Variants in IL26 observed in about 807,000 individuals in gnomAD.
IL26 encodes the protein interleukin-26.
Under a neutral mutation model 21.7 loss-of-function variants are expected in IL26, and 23 were observed. The observed-to-expected ratio is 1.06, with a 90% CI of 0.76 to 1.50. The LOEUF (loss-of-function observed/expected upper bound fraction) is 1.50, where lower values mean the gene tolerates loss of function less well. Among genes scored for constraint, IL26 ranks in the 40% most tolerant of loss-of-function variants. The pLI, the probability that IL26 is intolerant of heterozygous loss-of-function variation, is 0.00. For missense variants in IL26, 204 were observed against 196.0 expected (o/e 1.04, Z -0.24); for synonymous variants, 63 against 67.8 (o/e 0.93, Z 0.34).
At chr12:68,204,404 A>G (rs975299921) in intron 3 of IL26, among the ~76,000 whole-genome samples, 5 of 152,064 alleles carry the variant, frequency 3.3e-5, no homozygotes, top group Admixed American at 6.5e-5. Flanking sequence ...CGGCCTCCCA[A>G]AGTGCTGGGA....
intron 3 of IL26, among the ~76,000 whole-genome samples, chr12:68,222,189 G>A (rs544491700): frequency 1.3e-5 from 2 of 152,292 alleles, no homozygotes; most frequent in African/African-American, 4.8e-5. Context: ...AAGAGCTGTA[G>A]TAATCCTTAC....
intron 3 of IL26, among the ~76,000 whole-genome samples, chr12:68,216,053 G>A (rs1046408327): frequency 6.6e-6 from 1 of 151,464 alleles, no homozygotes; most frequent in Non-Finnish European, 1.5e-5. Flanking sequence ...AGCACTTTGG[G>A]AGGCTGAGGT....
intron 3 of IL26, among the ~76,000 whole-genome samples, chr12:68,205,714 GAC>G (rs1868521843): frequency 1.3e-5 from 1 of 78,234 alleles, no homozygotes; most frequent in Non-Finnish European, 3.9e-5. Context: ...ATTTCTGTCT[GAC>G]TTTTTTAATT....
intron 3 of IL26, among the ~76,000 whole-genome samples, chr12:68,222,406 C>A (rs1362948452): frequency 6.6e-6 from 1 of 152,116 alleles, no homozygotes; most frequent in South Asian, 2.1e-4. Flanking sequence ...AGGCTGTGTG[C>A]CAAAATTCTG....
intron 3 of IL26, among the ~76,000 whole-genome samples, chr12:68,213,219 G>A (rs921362829): frequency 6.6e-6 from 1 of 151,952 alleles, no homozygotes; most frequent in Non-Finnish European, 1.5e-5. Flanking sequence ...TGCATCCCTG[G>A]GATGCATCCA....
intron 3 of IL26, among the ~76,000 whole-genome samples, chr12:68,212,919 A>G (rs1434134928): frequency 6.6e-6 from 1 of 152,096 alleles, no homozygotes; most frequent in Non-Finnish European, 1.5e-5. Context: ...TAGGACTTTC[A>G]GTATTATGTT....
chr12:68,221,934 T>C (rs1869057478), intron 3 of IL26, among the ~76,000 whole-genome samples: 1 of 152,264 alleles, frequency 6.6e-6, no homozygotes, highest in Non-Finnish European at 1.5e-5. Context: ...TACTTTGCTC[T>C]TGATATGTGA....
At chr12:68,225,382 G>T in intron 2 of IL26, 62 bp downstream of exon 2, 2 of 1,513,024 alleles carry the variant, frequency 1.3e-6, no homozygotes, top group South Asian at 1.2e-5. Context: ...AAATTTAAAT[G>T]CAGGGGGAAA....
At chr12:68,225,336 A>AT in intron 2 of IL26, 53 bp from the exon 3 acceptor site, 1 of 1,565,358 alleles carries the variant, frequency 6.4e-7, no homozygotes, top group Non-Finnish European at 8.7e-7. Context: ...TCGTTTTTTA[A>AT]TGTCCCCCGA....
chr12:68,225,537 A>G (rs766606934), intron 1 of IL26, 37 bp from the exon 2 acceptor site: 6 of 1,604,780 alleles, frequency 3.7e-6, no homozygotes, highest in African/African-American at 2.7e-5. Flanking sequence ...TGTATCCAAG[A>G]TTGTAAATGT....
At chr12:68,224,023 C>T (rs1012024467) in intron 3 of IL26, among the ~76,000 whole-genome samples, 5 of 128,984 alleles carry the variant, frequency 3.9e-5, no homozygotes, top group Admixed American at 1.8e-4. Flanking sequence ...AACATCTTAA[C>T]TCTTAAAAAA....
At chr12:68,204,225 G>T (rs903251574) in intron 3 of IL26, among the ~76,000 whole-genome samples, 11 of 144,072 alleles carry the variant, frequency 7.6e-5, no homozygotes, top group Non-Finnish European at 1.3e-4. Flanking sequence ...CTTACTGCAA[G>T]CTCCACCCCC....
intron 3 of IL26, among the ~76,000 whole-genome samples, chr12:68,223,024 C>T (rs1175880459): frequency 6.6e-6 from 1 of 152,164 alleles, no homozygotes; most frequent in Non-Finnish European, 1.5e-5. Flanking sequence ...CAGACAGATA[C>T]CAGTTTCTGC....
chr12:68,214,633 T>G (rs1868823345), intron 3 of IL26, among the ~76,000 whole-genome samples: 1 of 152,206 alleles, frequency 6.6e-6, no homozygotes, highest in Non-Finnish European at 1.5e-5. Context: ...GTCTATCTGA[T>G]AAAAGGATAG....
At chr12:68,213,034 T>C (rs11570939) in intron 3 of IL26, among the ~76,000 whole-genome samples, 16,314 of 152,080 alleles carry the variant, frequency 0.11, 927 homozygotes, top group Admixed American at 0.13. Context: ...CATAAATGGC[T>C]TTTATTGTTC....
At chr12:68,217,393 G>T (rs984343392) in intron 3 of IL26, among the ~76,000 whole-genome samples, 4 of 152,112 alleles carry the variant, frequency 2.6e-5, no homozygotes, top group African/African-American at 4.8e-5. Context: ...ATGAAACAGA[G>T]AAAATGACAA....
Position 68,201,861 on chromosome 12 carries a change from A to G in IL26, c.500T>C (p.Leu167Ser), listed in dbSNP as rs1016521402. The change falls in exon 5 of 5, where the codon TTG becomes TCG. Residue 167 changes from leucine (L) to serine (S), a missense_variant. Transcript: ENST00000229134. ...GGCTTTGGTTTACTGACTGCTTTCC[A>G]ATAATTTTTTAATCCAGGAAAGAAG... ...DILLSWIKKL[L>S]ESSQ 6.3e-7 allele frequency: 1 copy of G among 1,593,162 alleles called. No individual in the cohort carries two copies. Among genetic ancestry groups the G allele is most frequent in the Non-Finnish European group, 8.5e-7 (1 of 1,173,906 alleles).
chr12:68,213,178 A>G (rs1293794487), intron 3 of IL26, among the ~76,000 whole-genome samples: 2 of 152,050 alleles, frequency 1.3e-5, no homozygotes, highest in Non-Finnish European at 2.9e-5. Flanking sequence ...CATGTATCAC[A>G]TTTATTGATT....
chr12:68,204,752 C>T (rs908529888), intron 3 of IL26, among the ~76,000 whole-genome samples: 1 of 152,134 alleles, frequency 6.6e-6, no homozygotes, highest in Non-Finnish European at 1.5e-5. Flanking sequence ...GAATGCTTCC[C>T]GGTGCCTTGA....
Sources: gnomAD v4.1 joint callset for allele counts (sites outside exome capture counted in the v4.1 genomes callset) on GRCh38, gnomAD v4.1.1 for gene constraint, MANE v1.5 for transcripts, NCBI Gene and HGNC (gene_info 2026-07-23, HGNC 2026-07-21) for gene names.